The following OTOF variants were observed in gnomAD, a reference collection of about 807,000 sequenced individuals.
OTOF encodes the protein otoferlin.
In OTOF, 218 loss-of-function variants were observed where a neutral mutation model predicts 236.8. The ratio of observed to expected loss-of-function variants is 0.92; its 90% confidence interval spans 0.82 to 1.03. OTOF has a LOEUF of 1.03. OTOF is among the 50% of genes least tolerant of loss of function. The pLI is 0.00. For synonymous variants in OTOF, 1,041 were observed against 1,072.5 expected, an observed-to-expected ratio of 0.97 and a Z score of 0.57; for missense variants, 2,590 against 2,694.4, an observed-to-expected ratio of 0.96 and a Z score of 0.86.
At chr2:26,479,985 G>A (rs1665486423) in intron 16 of OTOF, among the ~76,000 whole-genome samples, 1 of 152,244 alleles carries the variant, frequency 6.6e-6, no homozygotes, top group Admixed American at 6.5e-5. Context: ...TGGAGCTGAG[G>A]GTTGGCCCCT....
At chr2:26,463,805 A>C (rs1451979075) in intron 40 of OTOF, among the ~76,000 whole-genome samples, 159 bp downstream of exon 40, 2 of 152,178 alleles carry the variant, frequency 1.3e-5, no homozygotes, top group Non-Finnish European at 2.9e-5. Flanking sequence ...GACCCTTGCC[A>C]TTCAAGTTAC....
At chr2:26,478,168 G>A in intron 18 of OTOF, 1 of 595,052 alleles carries the variant, frequency 1.7e-6, no homozygotes, top group Non-Finnish European at 2.4e-6. Flanking sequence ...GGGGGAAGAG[G>A]GAGTGGCTCT....
chr2:26,558,051 G>A (rs1667638536), intron 1 of OTOF, among the ~76,000 whole-genome samples: 1 of 152,002 alleles, frequency 6.6e-6, no homozygotes, highest in East Asian at 2.0e-4. Context: ...GGCCCAGGGA[G>A]CTACTGGCTG....
intron 24 of OTOF, 69 bp from the exon 25 acceptor site, chr2:26,475,562 C>A: frequency 6.5e-7 from 1 of 1,544,234 alleles, no homozygotes; most frequent in Non-Finnish European, 8.9e-7. Context: ...ACAGAAGCCA[C>A]CCCTACTCAC....
chr2:26,533,177 C>T (rs1314527176), intron 2 of OTOF, among the ~76,000 whole-genome samples: 1 of 152,114 alleles, frequency 6.6e-6, no homozygotes, highest in Non-Finnish European at 1.5e-5. Context: ...GCTGTGCACT[C>T]CTTAAGAGAA....
At chr2:26,502,576 AG>A (rs1666143945) in intron 6 of OTOF, 150 bp from the exon 7 acceptor site, 1 of 818,592 alleles carries the variant, frequency 1.2e-6, no homozygotes, top group Non-Finnish European at 2.0e-6. Context: ...GAATAACTGC[AG>A]TGTTTTTCTA....
chr2:26,534,914 A>G (rs1667033277), intron 2 of OTOF, among the ~76,000 whole-genome samples: 1 of 152,222 alleles, frequency 6.6e-6, no homozygotes. Flanking sequence ...ATATTCTGGA[A>G]CCACTGGCAG....
intron 3 of OTOF, among the ~76,000 whole-genome samples, chr2:26,526,862 AT>A (rs199527486): frequency 1.3e-4 from 19 of 151,616 alleles, no homozygotes; most frequent in South Asian, 6.3e-4. Flanking sequence ...AGAGCAACCG[AT>A]TTTTTTTTAA....
chr2:26,515,775 C>T (rs576997621), intron 5 of OTOF, among the ~76,000 whole-genome samples: 2 of 152,298 alleles, frequency 1.3e-5, no homozygotes, highest in South Asian at 4.1e-4. Context: ...ATTCTGTCCC[C>T]TTGGTCTCTA....
At chr2:26,523,324 G>A (rs748010260) in intron 3 of OTOF, among the ~76,000 whole-genome samples, 4 of 152,210 alleles carry the variant, frequency 2.6e-5, no homozygotes, top group Non-Finnish European at 5.9e-5. Flanking sequence ...GAGGTCTCCT[G>A]GTTTCTGCCT....
At chr2:26,549,813 G>A (rs555680922) in intron 1 of OTOF, among the ~76,000 whole-genome samples, 10 of 152,244 alleles carry the variant, frequency 6.6e-5, no homozygotes, top group Admixed American at 2.6e-4. Flanking sequence ...GACTGAAAGC[G>A]CTGGTTCCCA....
intron 8 of OTOF, among the ~76,000 whole-genome samples, chr2:26,496,329 G>A (rs1359842864): frequency 6.6e-6 from 1 of 150,886 alleles, no homozygotes; most frequent in Non-Finnish European, 1.5e-5. Context: ...CCACCTCCTG[G>A]GTTCAAGCGA....
chr2:26,475,278 A>T (rs922424594), intron 25 of OTOF, 81 bp downstream of exon 25: 3 of 1,521,112 alleles, frequency 2.0e-6, no homozygotes. Context: ...GTGAGGGCAC[A>T]GCCTCAGCGC....
rs1254536349 is a variant in OTOF, at chr2:26,470,869, T to C, written c.3895-148A>G. ...CACCCATGTCCAAGGGGCAGGGCCT[T>C]ATTTTATGGAGAAGGTGCCACAGGC... On this transcript the variant is annotated intron_variant, in intron 31 of 46. Transcript: ENST00000272371. This position sits in a 1 kb window ranked among gnomAD's most constrained non-coding sequence, Gnocchi z 4.3. 3 of 1,437,150 alleles carry C rather than the reference T, an allele frequency of 2.1e-6. No individual in the cohort carries two copies. Among genetic ancestry groups the C allele is most frequent in the East Asian group, 2.5e-5 (1 of 40,402 alleles). 89.0% of individuals were successfully genotyped at this position (1,437,150 alleles called of 1,614,324 possible).
At chr2:26,513,308 T>A (rs942307452) in intron 5 of OTOF, among the ~76,000 whole-genome samples, 4 of 152,258 alleles carry the variant, frequency 2.6e-5, no homozygotes, top group Admixed American at 1.3e-4. Flanking sequence ...ACAGGATGAA[T>A]GTGGGTGAAG....
chr2:26,526,465 A>G (rs547930606), intron 3 of OTOF, among the ~76,000 whole-genome samples: 2 of 152,258 alleles, frequency 1.3e-5, no homozygotes, highest in African/African-American at 4.8e-5. Context: ...ATGGATAGGC[A>G]GATGGATGAA....
At chr2:26,556,683 T>G (rs1013706973) in intron 1 of OTOF, among the ~76,000 whole-genome samples, 1 of 152,058 alleles carries the variant, frequency 6.6e-6, no homozygotes, top group African/African-American at 2.4e-5. Flanking sequence ...CTTGCAAGAT[T>G]GAGTACTCAG....
rs1277552924 is a variant in OTOF at position 26,470,399 on chromosome 2, G to T, written c.4023+194C>A. 6.6e-6 allele frequency among the ~76,000 whole-genome samples: 1 copy of T among 152,042 alleles called. No individual in the cohort carries two copies. Among genetic ancestry groups the T allele is most frequent in the African/African-American group, 2.4e-5 (1 of 41,370 alleles). On this transcript the variant is annotated intron_variant, in intron 32 of 46. Coordinates refer to ENST00000272371, the MANE Select transcript of OTOF (RefSeq NM_194248.3). This position sits in a 1 kb window ranked among gnomAD's most constrained non-coding sequence, Gnocchi z 4.3. ...GTCAATGAGGACAAAAGAAAACCAA[G>T]CAGGGAAGGTAGATGGGACCATCAT...
chr2:26,528,293 G>A (rs1288040306), intron 2 of OTOF, among the ~76,000 whole-genome samples: 3 of 152,170 alleles, frequency 2.0e-5, no homozygotes, highest in Non-Finnish European at 4.4e-5. Flanking sequence ...GGTGGTGGTC[G>A]GGTCCCAGGG....
Sources: gnomAD v4.1 joint callset for allele counts (sites outside exome capture counted in the v4.1 genomes callset) on GRCh38, gnomAD v4.1.1 for gene constraint, Gnocchi (gnomAD v3.1) non-coding constraint, MANE v1.5 for transcripts, NCBI Gene and HGNC (gene_info 2026-07-23, HGNC 2026-07-21) for gene names.